Variants in MAP4 observed in about 807,000 individuals in gnomAD.
The protein encoded by MAP4 is microtubule associated protein 4.
In MAP4, 76 loss-of-function variants were observed where a neutral mutation model predicts 170.2. The observed-to-expected ratio is 0.45, with a 90% CI of 0.37 to 0.54. The LOEUF (loss-of-function observed/expected upper bound fraction) is 0.54, where lower values mean the gene tolerates loss of function less well. Ranked by LOEUF, MAP4 falls within the 20% of genes least tolerant of loss-of-function variation. The pLI, the probability that MAP4 is intolerant of heterozygous loss-of-function variation, is 0.00. For synonymous variants in MAP4, 909 were observed against 994.5 expected, an observed-to-expected ratio of 0.91 and a Z score of 1.62; for missense variants, 2,506 against 2,748.0, an observed-to-expected ratio of 0.91 and a Z score of 1.97.
chr3:48,072,664 G>A (rs1422880525), intron 1 of MAP4, among the ~76,000 whole-genome samples: 1 of 152,034 alleles, frequency 6.6e-6, no homozygotes, highest in Non-Finnish European at 1.5e-5. Context: ...GATAATTAGG[G>A]GCAAAAGGTA....
intron 1 of MAP4, among the ~76,000 whole-genome samples, chr3:48,059,514 CAAAAAAAA>C (rs762700404): frequency 1.7e-4 from 3 of 18,008 alleles, no homozygotes; most frequent in Non-Finnish European, 3.1e-4. Context: ...GACTCCATCT[CAAAAAAAA>C]AAAAAAAAAA....
chr3:47,973,075 T>C (rs777364153), intron 3 of MAP4: 66 of 982,950 alleles, frequency 6.7e-5, no homozygotes, highest in Non-Finnish European at 7.9e-5. Flanking sequence ...CCAAATCCAG[T>C]CCATAAGGTG....
intron 3 of MAP4, chr3:47,974,466 T>G (rs912035743): frequency 1.0e-6 from 1 of 984,526 alleles, no homozygotes. Context: ...TCTCAGAACA[T>G]GGTGCCAATT....
intron 3 of MAP4, among the ~76,000 whole-genome samples, chr3:47,944,834 G>T (rs1362651184): frequency 4.2e-5 from 6 of 142,580 alleles, no homozygotes; most frequent in Non-Finnish European, 7.7e-5. Context: ...TAACGAGCTA[G>T]TTTTTTTTTT....
intron 3 of MAP4, among the ~76,000 whole-genome samples, chr3:47,930,926 C>CT (rs1491346153): frequency 5.4e-5 from 7 of 128,516 alleles, no homozygotes; most frequent in African/African-American, 2.0e-4. Flanking sequence ...GAGACTCTGT[C>CT]TAAAAAAAAA....
At chr3:47,913,798 C>T (rs1260803342) in intron 8 of MAP4, among the ~76,000 whole-genome samples, 1 of 152,094 alleles carries the variant, frequency 6.6e-6, no homozygotes, top group East Asian at 1.9e-4. Flanking sequence ...CCTTATGTCC[C>T]ATATGTCAGG....
At chr3:48,058,592 T>C (rs556285597) in intron 1 of MAP4, among the ~76,000 whole-genome samples, 2 of 152,294 alleles carry the variant, frequency 1.3e-5, no homozygotes, top group East Asian at 3.9e-4. Flanking sequence ...CTGATAAAAC[T>C]GGCATTCGGT....
intron 1 of MAP4, among the ~76,000 whole-genome samples, chr3:48,027,875 T>C (rs1008130496): frequency 6.6e-6 from 1 of 152,206 alleles, no homozygotes; most frequent in African/African-American, 2.4e-5. Context: ...GCCATGACTA[T>C]GTATTTCCAC....
At chr3:48,049,717 C>T (rs9828959) in intron 1 of MAP4, among the ~76,000 whole-genome samples, 112,602 of 151,946 alleles carry the variant, frequency 0.74, 42,202 homozygotes, top group African/African-American at 0.87. Flanking sequence ...CGGATCGCGA[C>T]GTCAGGAGTT....
intron 2 of MAP4, among the ~76,000 whole-genome samples, chr3:47,982,008 G>A (rs1052506901): frequency 6.6e-6 from 1 of 152,044 alleles, no homozygotes; most frequent in African/African-American, 2.4e-5. Flanking sequence ...ATGTTGGCCG[G>A]GCACAGTGGC....
intron 17 of MAP4, among the ~76,000 whole-genome samples, chr3:47,862,268 G>A (rs2067986590): frequency 7.6e-6 from 1 of 131,852 alleles, no homozygotes; most frequent in South Asian, 2.6e-4. Flanking sequence ...AACTTGAAAT[G>A]TTAAAGCTAT....
intron 17 of MAP4, among the ~76,000 whole-genome samples, chr3:47,865,063 C>A (rs1006122235): frequency 3.3e-5 from 5 of 152,118 alleles, no homozygotes; most frequent in Non-Finnish European, 5.9e-5. Context: ...CTCCCTAATT[C>A]TCTGTTTAAG....
intron 17 of MAP4, among the ~76,000 whole-genome samples, 192 bp downstream of exon 17, chr3:47,867,054 T>A (rs2081715834): frequency 6.6e-6 from 1 of 152,122 alleles, no homozygotes; most frequent in Non-Finnish European, 1.5e-5. Flanking sequence ...CATGCTGGTG[T>A]TTAGGGGCTC....
At chr3:47,972,799 TG>T (rs1419681063) in intron 3 of MAP4, among the ~76,000 whole-genome samples, 2 of 150,638 alleles carry the variant, frequency 1.3e-5, no homozygotes, top group Non-Finnish European at 2.9e-5. Context: ...GGCAGGAGAA[TG>T]GCGTGAACCC....
chr3:47,858,093 A>AG (rs2150246384), intron 17 of MAP4, among the ~76,000 whole-genome samples: 1 of 145,914 alleles, frequency 6.9e-6, no homozygotes, highest in African/African-American at 2.6e-5. Flanking sequence ...GGCTCACCCC[A>AG]GCCTCCATCT....
At chr3:47,853,394 G>T (rs7645778) in intron 19 of MAP4, 42 bp from the exon 20 acceptor site, 31,391 of 853,854 alleles carry the variant, frequency 0.037, 4,001 homozygotes, top group African/African-American at 0.35. Flanking sequence ...GGTCAGTCGA[G>T]GGGGGGAGTG....
Position 47,954,555 on chromosome 3 carries a change from T to A in MAP4, c.292+23310A>T, listed in dbSNP as rs115052623. 4.2e-3 allele frequency among the ~76,000 whole-genome samples: 645 copies of A among 152,234 alleles called. 4 individuals carry two copies. The highest frequency in any genetic ancestry group is 0.033 in the South Asian group (157 of 4,820). ...ACCCAAGTCAATTAACAAGCCCAGG[T>A]CCCCTGAGGAAAAACCTGTAGTGTT... On this transcript the variant is annotated intron_variant, in intron 3 of 20. Transcript: ENST00000683076.
intron 17 of MAP4, among the ~76,000 whole-genome samples, chr3:47,859,435 C>G (rs1194003166): frequency 6.6e-6 from 1 of 152,194 alleles, no homozygotes; most frequent in African/African-American, 2.4e-5. Flanking sequence ...TTTGCACCCA[C>G]AGCCCAAGGC....
intron 3 of MAP4, among the ~76,000 whole-genome samples, chr3:47,953,491 C>T (rs1200773376): frequency 6.6e-6 from 1 of 152,094 alleles, no homozygotes; most frequent in African/African-American, 2.4e-5. Context: ...CACTGCACTC[C>T]AGCCTGAGTG....
Sources: allele counts gnomAD v4.1 joint callset (sites outside exome capture counted in the v4.1 genomes callset), GRCh38; gene constraint gnomAD v4.1.1; transcripts MANE v1.5; gene names NCBI Gene and HGNC (gene_info 2026-07-23, HGNC 2026-07-21).